SLC25A16: variants seen among roughly 807,000 people sequenced by gnomAD.
SLC25A16 encodes solute carrier family 25 member 16.
Under a neutral mutation model 41.5 loss-of-function variants are expected in SLC25A16, and 39 were observed. That is an observed-to-expected ratio of 0.94 (90% CI 0.73 to 1.23). SLC25A16 has a LOEUF of 1.23. Ranked by LOEUF, SLC25A16 falls within the 50% of genes most tolerant of loss-of-function variation. The pLI is 0.00. For synonymous variants in SLC25A16, 146 were observed against 147.8 expected, an observed-to-expected ratio of 0.99 and a Z score of 0.09; for missense variants, 421 against 426.9, an observed-to-expected ratio of 0.99 and a Z score of 0.12.
chr10:68,522,354 G>C (rs1433681675), intron 1 of SLC25A16, among the ~76,000 whole-genome samples: 1 of 152,034 alleles, frequency 6.6e-6, no homozygotes, highest in Non-Finnish European at 1.5e-5. Context: ...GTTGACAAGG[G>C]TTGCAGATGA....
chr10:68,483,611 T>C, intron 8 of SLC25A16, 23 bp from the exon 9 acceptor site: 1 of 1,569,052 alleles, frequency 6.4e-7, no homozygotes, highest in Non-Finnish European at 8.6e-7. Flanking sequence ...GATTAAATGA[T>C]GACCTCTATG....
intron 3 of SLC25A16, among the ~76,000 whole-genome samples, chr10:68,505,609 C>T (rs1458150350): frequency 5.3e-5 from 8 of 151,886 alleles, no homozygotes; most frequent in Admixed American, 5.3e-4. Flanking sequence ...CCCGCCTCTA[C>T]TAAAAATACA....
chr10:68,508,245 A>T (rs1405123456), intron 2 of SLC25A16, among the ~76,000 whole-genome samples: 1 of 152,044 alleles, frequency 6.6e-6, no homozygotes, highest in African/African-American at 2.4e-5. Context: ...TGCTTGTTTG[A>T]ACAAAAATTA....
At chr10:68,526,803 G>A (rs552510164) in intron 1 of SLC25A16, among the ~76,000 whole-genome samples, 2 of 152,310 alleles carry the variant, frequency 1.3e-5, no homozygotes, top group South Asian at 4.1e-4. Flanking sequence ...TAGACAGTTT[G>A]CACAATTTTC....
intron 1 of SLC25A16, among the ~76,000 whole-genome samples, chr10:68,526,710 T>C (rs1013397358): frequency 6.6e-6 from 1 of 152,210 alleles, no homozygotes; most frequent in Non-Finnish European, 1.5e-5. Context: ...TATGAACTTT[T>C]TGATCCCAAA....
chr10:68,489,899 CAAAA>C (rs71019017), intron 6 of SLC25A16, among the ~76,000 whole-genome samples: 12 of 84,038 alleles, frequency 1.4e-4, no homozygotes, highest in Admixed American at 3.5e-4. Context: ...GACTCTGTCT[CAAAA>C]AAAAAAAAAA....
chr10:68,498,253 G>A (rs187087740), intron 4 of SLC25A16, among the ~76,000 whole-genome samples: 32 of 152,018 alleles, frequency 2.1e-4, no homozygotes, highest in Admixed American at 1.9e-3. Flanking sequence ...TTCCAAACAC[G>A]TAGGAAGCTT....
At chr10:68,487,109 T>C (rs778210553) in intron 8 of SLC25A16, 35 bp downstream of exon 8, 45 of 1,551,090 alleles carry the variant, frequency 2.9e-5, no homozygotes, top group Admixed American at 5.0e-5. Flanking sequence ...TTACATTTCC[T>C]AAAGAAAATG....
At chr10:68,511,556 A>C (rs751660723) in intron 2 of SLC25A16, among the ~76,000 whole-genome samples, 22 of 152,248 alleles carry the variant, frequency 1.4e-4, no homozygotes, top group Non-Finnish European at 2.9e-4. Context: ...TCCTGTTCAC[A>C]CACTGATACG....
Position 68,487,219 on chromosome 10 carries a change from G to C in SLC25A16, c.774-7C>G, listed in dbSNP as rs7915381. 4.3e-6 allele frequency: 7 copies of C among 1,611,668 alleles called. No individual in the cohort carries two copies. In the Admixed American group the frequency reaches 1.2e-4, roughly 27 times the overall value. ...AGTCACATCAAATGGGTAGCTAAAA[G>C]AAGAAAAAGGCATAAAGAATTAAAA... On this transcript the variant is annotated splice_region_variant and splice_polypyrimidine_tract_variant and intron_variant, in intron 7 of 8. Coordinates refer to ENST00000609923, the MANE Select transcript of SLC25A16 (RefSeq NM_152707.4).
At chr10:68,487,321 T>A in intron 7 of SLC25A16, 109 bp from the exon 8 acceptor site, 1 of 773,778 alleles carries the variant, frequency 1.3e-6, no homozygotes, top group Non-Finnish European at 2.2e-6. Context: ...ACTGCTCTTA[T>A]TGTTCTGTCT....
intron 1 of SLC25A16, among the ~76,000 whole-genome samples, chr10:68,523,223 G>A (rs1317148871): frequency 6.6e-6 from 1 of 151,968 alleles, no homozygotes; most frequent in Non-Finnish European, 1.5e-5. Flanking sequence ...CTGAGTAGCT[G>A]GGACTACAAC....
intron 1 of SLC25A16, among the ~76,000 whole-genome samples, chr10:68,523,399 ATT>A (rs1422025318): frequency 6.6e-6 from 1 of 151,928 alleles, no homozygotes; most frequent in Non-Finnish European, 1.5e-5. Context: ...GGCCATAGAT[ATT>A]TTGTTCTCTG....
intron 2 of SLC25A16, among the ~76,000 whole-genome samples, chr10:68,514,433 T>A (rs576378746): frequency 2.0e-5 from 3 of 151,820 alleles, no homozygotes; most frequent in African/African-American, 7.2e-5. Flanking sequence ...AAGGCGGAGG[T>A]TGCAGTGAGC....
intron 6 of SLC25A16, among the ~76,000 whole-genome samples, chr10:68,490,739 G>C (rs1254047428): frequency 4.0e-5 from 6 of 151,770 alleles, no homozygotes; most frequent in African/African-American, 1.5e-4. Flanking sequence ...AGACAGATTA[G>C]TGGCATATAT....
At chr10:68,500,930 C>CA (rs527816775) in intron 4 of SLC25A16, among the ~76,000 whole-genome samples, 128 of 150,606 alleles carry the variant, frequency 8.5e-4, no homozygotes, top group African/African-American at 2.8e-3. Flanking sequence ...GACTCCGTCT[C>CA]AAAAAAAGAA....
chr10:68,492,015 A>T (rs56090218), intron 6 of SLC25A16, among the ~76,000 whole-genome samples: 5,834 of 151,998 alleles, frequency 0.038, 158 homozygotes, highest in South Asian at 0.09. Context: ...TTTAATAGAG[A>T]TGGGGTTTCA....
At position 68,511,566 on chromosome 10, in the gene SLC25A16, G is replaced by A. The variant is rs187300096; in HGVS notation, c.224-4848C>T. On this transcript the variant is annotated intron_variant, in intron 2 of 8. Transcript: ENST00000609923. ...AAGAATCCTGTTCACACACTGATAC[G>A]CAGAGTAATACACCCCAAGACACTG... 1.1e-3 allele frequency among the ~76,000 whole-genome samples: 161 copies of A among 152,278 alleles called. 1 individual carries two copies. The highest frequency in any genetic ancestry group is 2.6e-4 in the Non-Finnish European group (18 of 68,022).
chr10:68,487,643 G>A lies in SLC25A16; in HGVS notation c.774-431C>T, dbSNP rs7915892. ...CATCCCTGACCTCTTCCCACTAGAT[G>A]CCAGTAGCACTCTCCCAGCTGTGAC... On this transcript the variant is annotated intron_variant, in intron 7 of 8. Transcript: ENST00000609923. Among the ~76,000 whole-genome samples, 588 of 152,262 alleles carry A rather than the reference G, an allele frequency of 3.9e-3. 8 individuals are homozygous for A. The highest frequency in any genetic ancestry group is 0.014 in the African/African-American group (567 of 41,562).
Sources: allele counts gnomAD v4.1 joint callset (sites outside exome capture counted in the v4.1 genomes callset), GRCh38; gene constraint gnomAD v4.1.1; transcripts MANE v1.5; gene names NCBI Gene and HGNC (gene_info 2026-07-23, HGNC 2026-07-21).